The following LARGE1 variants were observed in gnomAD, a reference collection of about 807,000 sequenced individuals.
The protein encoded by LARGE1 is LARGE xylosyl- and glucuronyltransferase 1, also known as xylosyl- and glucuronyltransferase LARGE1.
LARGE1 carries 43 observed loss-of-function variants against 87.6 expected under a neutral mutation model. That is an observed-to-expected ratio of 0.49 (90% CI 0.38 to 0.63). The LOEUF (loss-of-function observed/expected upper bound fraction) is 0.63, where lower values mean the gene tolerates loss of function less well. Ranked by LOEUF, LARGE1 falls within the 30% of genes least tolerant of loss-of-function variation. The probability of loss-of-function intolerance (pLI) is 0.00; values close to 1 mark genes in which losing one functional copy is unlikely to be tolerated. For missense variants in LARGE1, 802 were observed against 1,000.2 expected, an observed-to-expected ratio of 0.80 and a Z score of 2.67; for synonymous variants, 434 against 394.6, an observed-to-expected ratio of 1.10 and a Z score of -1.18.
At chr22:33,653,228 G>C (rs2080871629) in intron 2 of LARGE1, among the ~76,000 whole-genome samples, 1 of 152,146 alleles carries the variant, frequency 6.6e-6, no homozygotes, top group African/African-American at 2.4e-5. Context: ...TAATGCCTTA[G>C]GTTGCTATCA....
intron 1 of LARGE1, among the ~76,000 whole-genome samples, chr22:33,820,504 A>G (rs970758556): frequency 1.3e-5 from 2 of 151,870 alleles, no homozygotes; most frequent in African/African-American, 4.8e-5. Context: ...TATTTTAAGT[A>G]GAGATGAGAT....
Position 33,577,307 on chromosome 22 carries a change from A to G in LARGE1, c.616-12288T>C, listed in dbSNP as rs1190912164. ...AATATTTAAAAAGAGGTTAAGAAACACCACCCTCCAGGATCTTACAACACT... is the reference window on the plus strand; with the variant it reads ...AATATTTAAAAAGAGGTTAAGAAACGCCACCCTCCAGGATCTTACAACACT... On this transcript the variant is annotated intron_variant, in intron 5 of 14. Coordinates refer to ENST00000397394, the MANE Select transcript of LARGE1 (RefSeq NM_133642.5). 2.6e-5 allele frequency among the ~76,000 whole-genome samples: 4 copies of G among 152,310 alleles called. No homozygotes were observed. The East Asian group carries it at 5.8e-4, about 22-fold the overall frequency.
intron 11 of LARGE1, among the ~76,000 whole-genome samples, chr22:33,259,156 G>A (rs967749861): frequency 2.0e-5 from 3 of 152,142 alleles, no homozygotes; most frequent in Admixed American, 2.0e-4. Flanking sequence ...GGGATTACAG[G>A]CATGAGCCAC....
chr22:33,448,545 G>C (rs1476298998), intron 6 of LARGE1, among the ~76,000 whole-genome samples: 1 of 152,168 alleles, frequency 6.6e-6, no homozygotes, highest in African/African-American at 2.4e-5. Flanking sequence ...GCTGCTCTCT[G>C]TCCAGCCCTG....
intron 1 of LARGE1, among the ~76,000 whole-genome samples, chr22:33,834,995 C>A (rs945198730): frequency 8.2e-6 from 1 of 122,128 alleles, no homozygotes; most frequent in Non-Finnish European, 1.7e-5. Flanking sequence ...AATTTTTGCT[C>A]TAAAGTTTGA....
At chr22:33,477,799 C>T (rs2069143355) in intron 6 of LARGE1, among the ~76,000 whole-genome samples, 1 of 152,164 alleles carries the variant, frequency 6.6e-6, no homozygotes, top group African/African-American at 2.4e-5. Flanking sequence ...TTTCGATGTC[C>T]TGCAAATTCC....
intron 5 of LARGE1, among the ~76,000 whole-genome samples, chr22:33,566,381 G>A (rs1228177607): frequency 6.6e-6 from 1 of 152,156 alleles, no homozygotes; most frequent in Admixed American, 6.5e-5. Flanking sequence ...AAACAACTAC[G>A]TGTAATCAAA....
downstream of LARGE1, among the ~76,000 whole-genome samples, chr22:33,158,457 A>G (rs1422653166): frequency 6.6e-6 from 1 of 152,238 alleles, no homozygotes; most frequent in African/African-American, 2.4e-5. Flanking sequence ...TCAGACATGA[A>G]CAAAAAAATA....
chr22:33,230,285 G>T (rs1925945227), intron 11 of LARGE1, among the ~76,000 whole-genome samples: 1 of 151,976 alleles, frequency 6.6e-6, no homozygotes, highest in Non-Finnish European at 1.5e-5. Context: ...CTCCCAAAGT[G>T]CTGTGATTAC....
At chr22:33,782,403 C>T (rs1412606710) in intron 1 of LARGE1, among the ~76,000 whole-genome samples, 2 of 152,048 alleles carry the variant, frequency 1.3e-5, no homozygotes, top group South Asian at 2.1e-4. Context: ...TTCTGGAATT[C>T]GTTGTGACAA....
chr22:33,383,189 T>A (rs1249257948), intron 8 of LARGE1, among the ~76,000 whole-genome samples: 1 of 152,152 alleles, frequency 6.6e-6, no homozygotes, highest in Non-Finnish European at 1.5e-5. Context: ...AAATGAGTGA[T>A]CCTGGTAGAC....
chr22:33,846,166 A>G (rs894114586), intron 1 of LARGE1, among the ~76,000 whole-genome samples: 1 of 152,232 alleles, frequency 6.6e-6, no homozygotes, highest in Non-Finnish European at 1.5e-5. Flanking sequence ...TGTTGCGGGA[A>G]GTCAGGGACC....
rs922716751 is a variant in LARGE1 at position 33,611,830 on chromosome 22, G to A, written c.492-7272C>T. On this transcript the variant is annotated intron_variant, in intron 4 of 14. Transcript: ENST00000397394. ...CTGGTGGAAGATGTCTGGGTTATGG[G>A]GGTGGATCCCTAATGGCTTGGTGCT... 2.6e-5 allele frequency among the ~76,000 whole-genome samples: 4 copies of A among 152,282 alleles called. No homozygotes were observed. In the South Asian group the frequency reaches 8.3e-4, roughly 32 times the overall value.
chr22:33,785,115 G>C (rs1417837558), intron 1 of LARGE1, among the ~76,000 whole-genome samples: 1 of 60,098 alleles, frequency 1.7e-5, no homozygotes, highest in African/African-American at 8.7e-5. Context: ...ACATACATAT[G>C]TGTATATGCA....
intron 1 of LARGE1, among the ~76,000 whole-genome samples, chr22:33,871,833 GTAAA>G (rs1377097575): frequency 6.6e-6 from 1 of 151,744 alleles, no homozygotes. Context: ...CCATAATGAA[GTAAA>G]TAGTTAATTG....
chr22:33,307,894 C>T (rs982569698), intron 11 of LARGE1, among the ~76,000 whole-genome samples: 3 of 151,838 alleles, frequency 2.0e-5, no homozygotes, highest in South Asian at 4.2e-4. Context: ...CCCTAAGGGT[C>T]GTCCCCGTGC....
intron 6 of LARGE1, among the ~76,000 whole-genome samples, chr22:33,468,844 C>G (rs978538150): frequency 6.6e-6 from 1 of 152,132 alleles, no homozygotes; most frequent in Non-Finnish European, 1.5e-5. Flanking sequence ...GAATCTCCCC[C>G]CTATATTCCA....
intron 1 of LARGE1, among the ~76,000 whole-genome samples, chr22:33,867,166 C>G (rs1403986815): frequency 6.6e-6 from 1 of 152,118 alleles, no homozygotes; most frequent in Non-Finnish European, 1.5e-5. Flanking sequence ...TTAATTACCC[C>G]ACGGTGGATG....
In LARGE1 at chr22:33,477,317, G is replaced by A. The variant is rs117361009; in HGVS notation, c.788-45052C>T. 9.9e-3 allele frequency among the ~76,000 whole-genome samples: 1,515 copies of A among 152,274 alleles called. 17 individuals are homozygous for A. Among genetic ancestry groups the A allele is most frequent in the Non-Finnish European group, 0.013 (917 of 68,020 alleles). Reference sequence around the variant, plus strand: ...GGTTTGCTGTCAGTTATAAGGAATGGGGAATTTTTCAATCTCTAAAGAACT... The same window carrying A: ...GGTTTGCTGTCAGTTATAAGGAATGAGGAATTTTTCAATCTCTAAAGAACT... On this transcript the variant is annotated intron_variant, in intron 6 of 14. Coordinates refer to ENST00000397394, the MANE Select transcript of LARGE1 (RefSeq NM_133642.5).
Sources: gnomAD v4.1 joint callset for allele counts (sites outside exome capture counted in the v4.1 genomes callset) on GRCh38, gnomAD v4.1.1 for gene constraint, MANE v1.5 for transcripts, NCBI Gene and HGNC (gene_info 2026-07-23, HGNC 2026-07-21) for gene names.